The following CFAP58 variants were observed in gnomAD, a reference collection of about 807,000 sequenced individuals.
The protein encoded by CFAP58 is cilia- and flagella-associated protein 58.
A neutral mutation model predicts 119.5 loss-of-function variants in CFAP58; 88 were observed. The observed-to-expected ratio is 0.74, with a 90% CI of 0.62 to 0.88. The LOEUF (loss-of-function observed/expected upper bound fraction) is 0.88. Among genes scored for constraint, CFAP58 ranks in the 40% least tolerant of loss-of-function variants. The pLI, the probability that CFAP58 is intolerant of heterozygous loss-of-function variation, is 0.00. For synonymous variants in CFAP58, 365 were observed against 366.3 expected, an observed-to-expected ratio of 1.00 and a Z score of 0.04; for missense variants, 990 against 1,021.2, an observed-to-expected ratio of 0.97 and a Z score of 0.42.
Position 104,426,328 on chromosome 10 carries a change from C to T in CFAP58, c.2256+19535C>T, listed in dbSNP as rs76375564. On this transcript the variant is annotated intron_variant, in intron 15 of 17. Transcript: ENST00000369704. Reference sequence around the variant, plus strand: ...AGGGAGGAGAGTCAAAGGTGGCTTTCGGTCTTTCCTCCTGGTCAGTGATAA... The same window carrying T: ...AGGGAGGAGAGTCAAAGGTGGCTTTTGGTCTTTCCTCCTGGTCAGTGATAA... 9.9e-5 allele frequency among the ~76,000 whole-genome samples: 15 copies of T among 152,246 alleles called. No individual in the cohort carries two copies. The East Asian group carries it at 1.2e-3, about 12-fold the overall frequency.
At chr10:104,431,583 T>G (rs10884001) in intron 15 of CFAP58, among the ~76,000 whole-genome samples, 52,725 of 151,928 alleles carry the variant, frequency 0.35, 10,551 homozygotes, top group Middle Eastern at 0.49. Context: ...TCACCCAAAA[T>G]AGTAAATATT....
chr10:104,340,021 G>A, the CFAP58 span, among the ~76,000 whole-genome samples: 3 of 152,190 alleles, frequency 2.0e-5, no homozygotes, highest in Non-Finnish European at 4.4e-5. Context: ...TTGTCATCCC[G>A]TCTGCAAAGT....
intron 2 of CFAP58, among the ~76,000 whole-genome samples, chr10:104,359,116 T>A (rs1043112291): frequency 3.3e-5 from 5 of 152,214 alleles, no homozygotes; most frequent in Admixed American, 6.5e-5. Context: ...AGAGCAGAGA[T>A]TCAGTCTGGG....
the CFAP58 span, among the ~76,000 whole-genome samples, chr10:104,339,824 C>T: frequency 6.6e-6 from 1 of 152,198 alleles, no homozygotes; most frequent in Non-Finnish European, 1.5e-5. Flanking sequence ...TCTGGGGAAA[C>T]GGTCTTGAAA....
chr10:104,397,845 C>T (rs929988371), intron 11 of CFAP58, among the ~76,000 whole-genome samples: 1 of 152,208 alleles, frequency 6.6e-6, no homozygotes, highest in Non-Finnish European at 1.5e-5. Context: ...ATTCTTCTTT[C>T]CTGTAACGTA....
chr10:104,348,685 G>A, the CFAP58 span, among the ~76,000 whole-genome samples: 1 of 152,094 alleles, frequency 6.6e-6, no homozygotes, highest in African/African-American at 2.4e-5. Flanking sequence ...TTCTTGCCTT[G>A]GTTTCTGCCC....
intron 7 of CFAP58, among the ~76,000 whole-genome samples, chr10:104,373,869 A>C (rs1182098188): frequency 6.6e-6 from 1 of 152,218 alleles, no homozygotes; most frequent in Non-Finnish European, 1.5e-5. Context: ...TGTCCAGATA[A>C]ACAGATCAAT....
chr10:104,376,737 T>C (rs1003790930), intron 7 of CFAP58, 74 bp from the exon 8 acceptor site: 1 of 1,183,258 alleles, frequency 8.5e-7, no homozygotes, highest in Non-Finnish European at 1.2e-6. Context: ...GCAGTTTTTG[T>C]ATCACTTCGG....
intron 2 of CFAP58, among the ~76,000 whole-genome samples, chr10:104,361,668 G>C (rs2014667428): frequency 6.6e-6 from 1 of 152,144 alleles, no homozygotes; most frequent in African/African-American, 2.4e-5. Context: ...AATACCCTCT[G>C]CCAGTCCCTA....
chr10:104,426,716 C>T (rs2012756643), intron 15 of CFAP58, among the ~76,000 whole-genome samples: 2 of 152,128 alleles, frequency 1.3e-5, no homozygotes, highest in Admixed American at 1.3e-4. Context: ...CATTTTCACC[C>T]CATTACATGT....
chr10:104,375,559 A>G (rs2011641289), intron 7 of CFAP58, among the ~76,000 whole-genome samples: 1 of 152,170 alleles, frequency 6.6e-6, no homozygotes, highest in Non-Finnish European at 1.5e-5. Context: ...TGTTGATGAA[A>G]TAATCAAACT....
At chr10:104,361,101 A>T (rs2014660431) in intron 2 of CFAP58, among the ~76,000 whole-genome samples, 1 of 152,232 alleles carries the variant, frequency 6.6e-6, no homozygotes, top group Non-Finnish European at 1.5e-5. Flanking sequence ...ATTACATTTC[A>T]ATATGAGATT....
chr10:104,431,130 C>G (rs2012840364), intron 15 of CFAP58, among the ~76,000 whole-genome samples: 2 of 152,152 alleles, frequency 1.3e-5, no homozygotes, highest in African/African-American at 4.8e-5. Flanking sequence ...CTGGGAGTGG[C>G]AGAGAGTTGT....
At position 104,393,354 on chromosome 10, in the gene CFAP58, A is replaced by G. The variant is rs555570642; in HGVS notation, c.1553A>G (p.Lys518Arg). 32 of 1,613,854 alleles carry G rather than the reference A, an allele frequency of 2.0e-5. 1 individual carries two copies. The African/African-American group carries it at 2.1e-4, about 11-fold the overall frequency. Residue 518 changes from lysine to arginine, a missense_variant, in exon 11 of 18, where the codon AAG becomes AGG. Physicochemically the swap from Lys to Arg is conservative, Grantham distance 26 (BLOSUM62 2). Coordinates refer to ENST00000369704, the MANE Select transcript of CFAP58 (RefSeq NM_001008723.2). ...GATGAAATAACAGATATGAAGAGAA[A>G]GTTAAAGATTATGATCCATCAGGTA... The part of the protein sequence containing the change: ...AQDEITDMKR[K>R]LKIMIHQVDE...
chr10:104,347,973 A>T, the CFAP58 span, among the ~76,000 whole-genome samples: 2 of 151,988 alleles, frequency 1.3e-5, no homozygotes, highest in African/African-American at 4.8e-5. Context: ...TGGGCTTCAC[A>T]TGCTCAGTTC....
the CFAP58 span, among the ~76,000 whole-genome samples, chr10:104,342,666 C>CAAAA: frequency 3.3e-5 from 3 of 90,530 alleles, no homozygotes; most frequent in African/African-American, 7.9e-5. Context: ...CCCGTCTATA[C>CAAAA]AAAAAAAAAA....
At chr10:104,352,396 T>C (rs2014470599), upstream of CFAP58, among the ~76,000 whole-genome samples, 1 of 152,164 alleles carries the variant, frequency 6.6e-6, no homozygotes, top group East Asian at 1.9e-4. Flanking sequence ...CAGATGAGTT[T>C]GAAAATATCA....
At chr10:104,384,274 A>T (rs1022762802) in intron 9 of CFAP58, among the ~76,000 whole-genome samples, 3 of 152,238 alleles carry the variant, frequency 2.0e-5, no homozygotes, top group Non-Finnish European at 2.9e-5. Context: ...ATATCACTAA[A>T]GAATATTAGA....
chr10:104,438,461 C>T (rs1180658723), intron 15 of CFAP58, among the ~76,000 whole-genome samples: 1 of 149,738 alleles, frequency 6.7e-6, no homozygotes, highest in Non-Finnish European at 1.5e-5. Flanking sequence ...CTGCCAGCTC[C>T]GCTTCCCGGG....
Sources: gnomAD v4.1 joint callset for allele counts (sites outside exome capture counted in the v4.1 genomes callset) on GRCh38, gnomAD v4.1.1 for gene constraint, MANE v1.5 for transcripts, NCBI Gene and HGNC (gene_info 2026-07-23, HGNC 2026-07-21) for gene names.